The following ANTXR1 variants were observed in gnomAD, a reference collection of about 807,000 sequenced individuals.
The protein encoded by ANTXR1 is anthrax toxin receptor 1.
A neutral mutation model predicts 78.1 loss-of-function variants in ANTXR1; 19 were observed. The observed-to-expected ratio is 0.24, with a 90% CI of 0.17 to 0.36. ANTXR1 has a LOEUF of 0.36. ANTXR1 is among the 10% of genes least tolerant of loss of function. The pLI, the probability that ANTXR1 is intolerant of heterozygous loss-of-function variation, is 1.00. For synonymous variants in ANTXR1, 273 were observed against 260.5 expected (o/e 1.05, Z -0.46); for missense variants, 518 against 718.6 (o/e 0.72, Z 3.19).
At chr2:69,038,125 TTC>T (rs1293357855) in intron 1 of ANTXR1, among the ~76,000 whole-genome samples, 2 of 152,164 alleles carry the variant, frequency 1.3e-5, no homozygotes, top group African/African-American at 4.8e-5. Context: ...CATTCCCCTT[TTC>T]TTTTTTCCAA....
chr2:69,014,420 T>G (rs1670962525), intron 1 of ANTXR1, among the ~76,000 whole-genome samples: 1 of 152,042 alleles, frequency 6.6e-6, no homozygotes, highest in African/African-American at 2.4e-5. Flanking sequence ...ATGTAGTGAA[T>G]TCAAGCTCTT....
intron 10 of ANTXR1, among the ~76,000 whole-genome samples, chr2:69,104,795 A>G (rs1049606373): frequency 6.6e-6 from 1 of 152,152 alleles, no homozygotes; most frequent in Non-Finnish European, 1.5e-5. Context: ...TGTATTAAAT[A>G]AGATGTGGCC....
At chr2:69,232,416 A>G (rs1336156476) in intron 17 of ANTXR1, among the ~76,000 whole-genome samples, 1 of 151,980 alleles carries the variant, frequency 6.6e-6, no homozygotes, top group African/African-American at 2.4e-5. Context: ...CAATTTAGCA[A>G]TAAGGGATTA....
At chr2:69,172,447 T>G in intron 14 of ANTXR1, 1 of 1,584,074 alleles carries the variant, frequency 6.3e-7, no homozygotes, top group South Asian at 1.1e-5. Context: ...GTGCAACGTA[T>G]TTTATACAAT....
intron 8 of ANTXR1, among the ~76,000 whole-genome samples, chr2:69,082,758 G>C (rs1558526590): frequency 6.6e-6 from 1 of 152,106 alleles, no homozygotes; most frequent in Non-Finnish European, 1.5e-5. Context: ...CAAGGACACT[G>C]TCTGAAAAGG....
At chr2:69,060,398 G>A (rs894186894) in intron 3 of ANTXR1, among the ~76,000 whole-genome samples, 1 of 152,114 alleles carries the variant, frequency 6.6e-6, no homozygotes, top group African/African-American at 2.4e-5. Flanking sequence ...GATGGAGTTT[G>A]GCTCTGAAGT....
intron 12 of ANTXR1, among the ~76,000 whole-genome samples, chr2:69,134,299 A>G (rs892074415): frequency 3.3e-5 from 5 of 152,194 alleles, no homozygotes; most frequent in African/African-American, 9.7e-5. Context: ...TAGAGACAAT[A>G]TTCAAAGGGC....
rs1214116223 is a variant in ANTXR1 at position 69,102,918 on chromosome 2, G to A, written c.780G>A (p.Lys260=). 5 of 1,614,040 alleles carry A rather than the reference G, an allele frequency of 3.1e-6. No homozygotes were observed. In the African/African-American group the frequency reaches 6.7e-5, roughly 22 times the overall value. ...RNVDRVLCSF[K]INDSVTLNEK... is the part of the protein sequence containing the mutation. ...TGGACAGGGTCCTCTGCAGCTTCAA[G>A]ATCAATGACTCGGTCACACTCAGTA... is the stretch of plus-strand genomic sequence containing the variant. Residue 260 remains lysine (K), a synonymous_variant, in exon 10 of 18, where the codon AAG becomes AAA. Coordinates refer to ENST00000303714, the MANE Select transcript of ANTXR1 (RefSeq NM_032208.3).
chr2:69,109,926 A>C (rs547269754), intron 10 of ANTXR1, among the ~76,000 whole-genome samples: 5 of 152,376 alleles, frequency 3.3e-5, no homozygotes, highest in African/African-American at 1.2e-4. Flanking sequence ...TATAACAAAC[A>C]TAGGGTCAAT....
In ANTXR1 at chr2:69,019,565, C is replaced by G. The variant is rs770185294; in HGVS notation, c.152+5914C>G. Reference sequence around the variant, plus strand: ...CAACTTTTAAGTTCAGGGGTACATACAAACCTGCGCATCCTGCATATGTAC... The same window carrying G: ...CAACTTTTAAGTTCAGGGGTACATAGAAACCTGCGCATCCTGCATATGTAC... On this transcript the variant is annotated intron_variant, in intron 1 of 17. Coordinates refer to ENST00000303714, the MANE Select transcript of ANTXR1 (RefSeq NM_032208.3). Among the ~76,000 whole-genome samples the G allele has an allele frequency of 5.3e-5, 8 of 151,748 alleles. 1 individual carries two copies. The South Asian group carries it at 1.5e-3, about 28-fold the overall frequency.
intron 3 of ANTXR1, 93 bp from the exon 4 acceptor site, chr2:69,070,554 T>A (rs1670535153): frequency 1.0e-5 from 12 of 1,151,530 alleles, no homozygotes; most frequent in Non-Finnish European, 1.6e-5. Context: ...GACAGCAGTA[T>A]CCACAGAGGT....
chr2:69,020,490 A>G (rs1026941017), intron 1 of ANTXR1, among the ~76,000 whole-genome samples: 3 of 152,144 alleles, frequency 2.0e-5, no homozygotes, highest in Non-Finnish European at 2.9e-5. Context: ...ACCTGGTTAA[A>G]CTCAGTGTCA....
At chr2:69,051,347 G>A (rs1669929098) in intron 3 of ANTXR1, among the ~76,000 whole-genome samples, 1 of 151,264 alleles carries the variant, frequency 6.6e-6, no homozygotes, top group Non-Finnish European at 1.5e-5. Context: ...AGTATAAATT[G>A]TACTTTAAAT....
At chr2:69,091,026 G>A in intron 9 of ANTXR1, 107 bp downstream of exon 9, 1 of 1,188,376 alleles carries the variant, frequency 8.4e-7, no homozygotes, top group South Asian at 1.3e-5. Flanking sequence ...GAACAGGAAG[G>A]GGTAGGGTGA....
intron 10 of ANTXR1, among the ~76,000 whole-genome samples, chr2:69,109,766 A>G (rs1380405441): frequency 6.6e-6 from 1 of 152,238 alleles, no homozygotes; most frequent in Non-Finnish European, 1.5e-5. Context: ...AAAAAAATGT[A>G]TATAATCTTC....
chr2:69,162,942 C>T (rs186668260), intron 13 of ANTXR1, among the ~76,000 whole-genome samples: 3 of 152,088 alleles, frequency 2.0e-5, no homozygotes, highest in Admixed American at 6.5e-5. Flanking sequence ...AAAGTAATTG[C>T]GGTTTTTGCC....
At chr2:69,195,780 A>C (rs535688810) in intron 17 of ANTXR1, among the ~76,000 whole-genome samples, 2 of 152,328 alleles carry the variant, frequency 1.3e-5, no homozygotes, top group East Asian at 1.9e-4. Flanking sequence ...AAAAATAATA[A>C]TAAGATCCCT....
chr2:69,101,428 G>A (rs1401594046), intron 9 of ANTXR1, among the ~76,000 whole-genome samples: 4 of 152,120 alleles, frequency 2.6e-5, no homozygotes, highest in Non-Finnish European at 5.9e-5. Flanking sequence ...GTGTGATCTT[G>A]GACACATTAC....
At chr2:69,164,524 T>C (rs926698654) in intron 13 of ANTXR1, among the ~76,000 whole-genome samples, 1 of 152,202 alleles carries the variant, frequency 6.6e-6, no homozygotes, top group African/African-American at 2.4e-5. Flanking sequence ...GAGATAAGTA[T>C]GCCCATGTCT....
Sources: allele counts gnomAD v4.1 joint callset (sites outside exome capture counted in the v4.1 genomes callset), GRCh38; gene constraint gnomAD v4.1.1; transcripts MANE v1.5; gene names NCBI Gene and HGNC (gene_info 2026-07-23, HGNC 2026-07-21).